PSMD9: variants seen among roughly 807,000 people sequenced by gnomAD.
PSMD9 encodes the protein 26S proteasome non-ATPase regulatory subunit 9.
Under a neutral mutation model 25.9 loss-of-function variants are expected in PSMD9, and 26 were observed. That is an observed-to-expected ratio of 1.00 (90% CI 0.73 to 1.39). PSMD9 has a LOEUF of 1.39. Ranked by LOEUF, PSMD9 falls within the 40% of genes most tolerant of loss-of-function variation. The pLI is 0.00. For missense variants in PSMD9, 303 were observed against 299.3 expected, an observed-to-expected ratio of 1.01 and a Z score of -0.09; for synonymous variants, 110 against 114.5, an observed-to-expected ratio of 0.96 and a Z score of 0.25.
chr12:121,893,265 G>T (rs1158426805), intron 1 of PSMD9, among the ~76,000 whole-genome samples: 3 of 152,206 alleles, frequency 2.0e-5, no homozygotes, highest in African/African-American at 7.2e-5. Context: ...GGCGAGTCCT[G>T]TGTTAGGGGA....
rs929414916 is a variant in PSMD9, at chr12:121,908,927, G to A, written c.555+5820G>A. On this transcript the variant is annotated intron_variant, in intron 4 of 5. Coordinates refer to ENST00000541212, the MANE Select transcript of PSMD9 (RefSeq NM_002813.7). ...AGAAGGGGAGGAGGTGAGGCCAGGA[G>A]GTGTTAAGGTCAGGCCTGTGGTCCT... is the stretch of plus-strand genomic sequence containing the variant. 2.6e-5 allele frequency among the ~76,000 whole-genome samples: 4 copies of A among 152,234 alleles called. No homozygotes were observed. The East Asian group carries it at 7.7e-4, about 29-fold the overall frequency.
chr12:121,895,523 A>G (rs747191520), intron 2 of PSMD9, among the ~76,000 whole-genome samples: 1 of 152,202 alleles, frequency 6.6e-6, no homozygotes, highest in Non-Finnish European at 1.5e-5. Context: ...CTGGACTAAA[A>G]TCAAGGTGTT....
chr12:121,893,250 G>A (rs1879138051), intron 1 of PSMD9, among the ~76,000 whole-genome samples: 1 of 152,318 alleles, frequency 6.6e-6, no homozygotes, highest in African/African-American at 2.4e-5. Context: ...TTTCTGCAGT[G>A]TCACGGCGAG....
rs80355672 is a variant in PSMD9 at position 121,893,257 on chromosome 12, C to T, written c.139-1482C>T. Among the ~76,000 whole-genome samples, 253 of 152,260 alleles carry T rather than the reference C, an allele frequency of 1.7e-3. 5 individuals are homozygous for T. The highest frequency in any genetic ancestry group is 8.5e-3 in the South Asian group (41 of 4,824). On this transcript the variant is annotated intron_variant, in intron 1 of 5. Coordinates refer to ENST00000541212, the MANE Select transcript of PSMD9 (RefSeq NM_002813.7). ...CTGGCGCATTTCTGCAGTGTCACGG[C>T]GAGTCCTGTGTTAGGGGAGTGTGGA...
intron 3 of PSMD9, among the ~76,000 whole-genome samples, chr12:121,900,837 T>C (rs1879372808): frequency 6.6e-6 from 1 of 151,832 alleles, no homozygotes; most frequent in Non-Finnish European, 1.5e-5. Flanking sequence ...ATACAAACAT[T>C]AGCCGGGTGT....
intron 4 of PSMD9, among the ~76,000 whole-genome samples, chr12:121,906,868 A>C (rs1879573239): frequency 6.7e-6 from 1 of 148,608 alleles, no homozygotes; most frequent in South Asian, 2.2e-4. Context: ...TGGGAGGCCG[A>C]GGCAGGAGAA....
chr12:121,903,627 A>C (rs1879463652), intron 4 of PSMD9, among the ~76,000 whole-genome samples: 1 of 151,588 alleles, frequency 6.6e-6, no homozygotes, highest in African/African-American at 2.4e-5. Context: ...CTTCCTCTTC[A>C]TCCTCCTTCT....
In PSMD9 at chr12:121,916,393, C is replaced by G; in HGVS notation, c.*82C>G. ...AGGGATTTCCAACTTGTCTTCTCTC[C>G]CTGAAGCATAAGGATCTGGAAGAGG... On this transcript the variant is annotated 3_prime_UTR_variant, in exon 6 of 6. Coordinates refer to ENST00000541212, the MANE Select transcript of PSMD9 (RefSeq NM_002813.7). 1.3e-6 allele frequency: 2 copies of G among 1,524,914 alleles called. No individual in the cohort carries two copies. The highest frequency in any genetic ancestry group is 9.1e-7 in the Non-Finnish European group (1 of 1,099,080). 94.5% of individuals were successfully genotyped at this position (1,524,914 alleles called of 1,614,324 possible).
In PSMD9 at chr12:121,916,369, G is replaced by A; in HGVS notation, c.*58G>A. 6.3e-7 allele frequency: 1 copy of A among 1,587,384 alleles called. No homozygotes were observed. The highest frequency in any genetic ancestry group is 1.1e-5 in the South Asian group (1 of 90,560). ...TTCCCTTGCCCTGGACTTGGGTCTA[G>A]GGATTTCCAACTTGTCTTCTCTCCC... On this transcript the variant is annotated 3_prime_UTR_variant, in exon 6 of 6. Coordinates refer to ENST00000541212, the MANE Select transcript of PSMD9 (RefSeq NM_002813.7).
chr12:121,911,346 T>G (rs1430021146), intron 4 of PSMD9, among the ~76,000 whole-genome samples: 1 of 152,124 alleles, frequency 6.6e-6, no homozygotes, highest in African/African-American at 2.4e-5. Flanking sequence ...TCTGGCTTAT[T>G]TCACTTAGCA....
At chr12:121,891,672 G>A (rs1218007087) in intron 1 of PSMD9, among the ~76,000 whole-genome samples, 1 of 151,684 alleles carries the variant, frequency 6.6e-6, no homozygotes, top group East Asian at 1.9e-4. Context: ...TTGGAAGGCC[G>A]AGGTGTGTGG....
rs978870090 is a variant in PSMD9 at position 121,903,222 on chromosome 12, G to A, written c.555+115G>A. The A allele has an allele frequency of 7.3e-6, 7 of 961,666 alleles. No homozygotes were observed. In the African/African-American group the frequency reaches 9.8e-5, roughly 13 times the overall value. 59.6% of individuals were successfully genotyped at this position (961,666 alleles called of 1,614,324 possible). A position where few individuals can be genotyped will look rare whatever the true frequency, so the allele number is the denominator to read the frequency against. On this transcript the variant is annotated intron_variant, in intron 4 of 5. Coordinates refer to ENST00000541212, the MANE Select transcript of PSMD9 (RefSeq NM_002813.7). ...TTTTCACAGCTCTGGAGGCAGGGAA[G>A]TCCAAGATCCAGGCACCAGCCAATT...
chr12:121,892,646 A>T (rs1270532108), intron 1 of PSMD9, among the ~76,000 whole-genome samples: 1 of 152,100 alleles, frequency 6.6e-6, no homozygotes, highest in African/African-American at 2.4e-5. Flanking sequence ...GCTTGCAGTG[A>T]GCCAAGATCT....
At position 121,918,045 on chromosome 12, in the gene PSMD9, C is replaced by G. The variant is rs774353251; in HGVS notation, c.*1734C>G. 5 of 152,200 alleles carry G rather than the reference C, an allele frequency of 3.3e-5. No homozygotes were observed. Among genetic ancestry groups the G allele is most frequent in the African/African-American group, 4.8e-5 (2 of 41,444 alleles). The allele number at this position is 152,200 out of a possible 1,614,324, so 9.4% of individuals were successfully genotyped here. ...TCCCAGTGGAAACCCGTGTGGCCACCTGTTGCCGTCTTCCATGAGATGTTA... is the reference window on the plus strand; with the variant it reads ...TCCCAGTGGAAACCCGTGTGGCCACGTGTTGCCGTCTTCCATGAGATGTTA... On this transcript the variant is annotated 3_prime_UTR_variant, in exon 6 of 6. Coordinates refer to ENST00000541212, the MANE Select transcript of PSMD9 (RefSeq NM_002813.7). This position sits in a 1 kb window ranked among gnomAD's most constrained non-coding sequence, Gnocchi z 4.3.
chr12:121,889,622 A>G lies in PSMD9; in HGVS notation c.138+628A>G, dbSNP rs77480242. Among the ~76,000 whole-genome samples, 197 of 152,300 alleles carry G rather than the reference A, an allele frequency of 1.3e-3. 5 individuals are homozygous for G. The East Asian group carries it at 0.036, about 28-fold the overall frequency. On this transcript the variant is annotated intron_variant, in intron 1 of 5. Transcript: ENST00000541212. The stretch of plus-strand genomic sequence containing the variant: ...TTTGAGGCAAGGGAGCAGATTCTGC[A>G]TTTGTAGCAAACTCCCAGCAATGCT...
At chr12:121,901,666 CTTTTTTTTTTTTTTTT>C (rs563939839) in intron 3 of PSMD9, among the ~76,000 whole-genome samples, 2 of 93,596 alleles carry the variant, frequency 2.1e-5, no homozygotes, top group Non-Finnish European at 3.6e-5. Context: ...TTCATTCCTT[CTTTTTTTTTTTTTTTT>C]TTTTTTTTTT....
intron 3 of PSMD9, 186 bp downstream of exon 3, chr12:121,900,031 A>G (rs895429360): frequency 4.9e-5 from 34 of 693,540 alleles, no homozygotes; most frequent in Non-Finnish European, 8.0e-5. Context: ...AGTTTTAGAG[A>G]GGGGTCAGCC....
chr12:121,906,532 C>T (rs770012592), intron 4 of PSMD9, among the ~76,000 whole-genome samples: 2 of 151,412 alleles, frequency 1.3e-5, no homozygotes, highest in Non-Finnish European at 2.9e-5. Context: ...AGGCCTGGCA[C>T]GGTGGCTCAC....
chr12:121,912,184 C>T (rs1211093019), intron 4 of PSMD9, among the ~76,000 whole-genome samples: 2 of 152,000 alleles, frequency 1.3e-5, no homozygotes, highest in Non-Finnish European at 2.9e-5. Context: ...GGACTACAGG[C>T]ATGTGCCACC....
Sources: allele counts gnomAD v4.1 joint callset (sites outside exome capture counted in the v4.1 genomes callset), GRCh38; gene constraint gnomAD v4.1.1; non-coding constraint Gnocchi (gnomAD v3.1); transcripts MANE v1.5; gene names NCBI Gene and HGNC (gene_info 2026-07-23, HGNC 2026-07-21).